The following NPEPPS variants were observed in gnomAD, a reference collection of about 807,000 sequenced individuals.
NPEPPS encodes aminopeptidase puromycin sensitive, also known as puromycin-sensitive aminopeptidase.
Under a neutral mutation model 115.5 loss-of-function variants are expected in NPEPPS, and 14 were observed. The ratio of observed to expected loss-of-function variants is 0.12; its 90% CI spans 0.08 to 0.19. The LOEUF (loss-of-function observed/expected upper bound fraction) is 0.19. NPEPPS is among the 10% of genes least tolerant of loss of function. The pLI, the probability that NPEPPS is intolerant of heterozygous loss-of-function variation, is 1.00. For synonymous variants in NPEPPS, 285 were observed against 390.6 expected, an observed-to-expected ratio of 0.73 and a Z score of 3.19; for missense variants, 523 against 1,110.8, an observed-to-expected ratio of 0.47 and a Z score of 7.52.
At chr17:47,619,414 C>T (rs1030766412) in intron 21 of NPEPPS, 15 of 517,476 alleles carry the variant, frequency 2.9e-5, no homozygotes, top group African/African-American at 5.8e-5. Flanking sequence ...ATTAGCTGAG[C>T]GTGGTGGTGT....
In NPEPPS at chr17:47,586,573, C is replaced by T. The variant is rs556453942; in HGVS notation, c.980+175C>T. On this transcript the variant is annotated intron_variant, in intron 8 of 22. Transcript: ENST00000322157. ...CAGATGGACACCCCTCCCTTTGGTG[C>T]TACTGTCTGAGGGTGTAAGATTTTA... is the stretch of plus-strand genomic sequence containing the variant. The T allele has an allele frequency of 6.4e-6, 4 of 625,566 alleles. No individual in the cohort carries two copies. The African/African-American group carries it at 7.4e-5, about 12-fold the overall frequency. 38.8% of individuals were successfully genotyped at this position (625,566 alleles called of 1,614,324 possible). A position where few individuals can be genotyped will look rare whatever the true frequency, so the allele number is the denominator to read the frequency against.
intron 17 of NPEPPS, among the ~76,000 whole-genome samples, chr17:47,609,671 C>A (rs80132680): frequency 3.3e-3 from 497 of 152,292 alleles, no homozygotes; most frequent in African/African-American, 0.012. Context: ...ACATTTCCAT[C>A]ACCCAGAAAG....
At chr17:47,537,932 T>C (rs1339389810) in intron 1 of NPEPPS, among the ~76,000 whole-genome samples, 1 of 151,366 alleles carries the variant, frequency 6.6e-6, no homozygotes, top group Non-Finnish European at 1.5e-5. Flanking sequence ...TTCGCTCTGT[T>C]GCCCAGGCTG....
At chr17:47,595,789 C>A (rs1912825991) in intron 12 of NPEPPS, among the ~76,000 whole-genome samples, 2 of 152,042 alleles carry the variant, frequency 1.3e-5, no homozygotes, top group South Asian at 4.1e-4. Context: ...CAAGACCAAC[C>A]TGGTCAACAT....
intron 2 of NPEPPS, among the ~76,000 whole-genome samples, chr17:47,556,949 CTT>C (rs1910084638): frequency 6.6e-6 from 1 of 152,198 alleles, no homozygotes; most frequent in Non-Finnish European, 1.5e-5. Flanking sequence ...GCCTGTTTTA[CTT>C]TTTTCTTGAT....
chr17:47,604,661 T>C (rs1432187583), intron 16 of NPEPPS, among the ~76,000 whole-genome samples: 1 of 152,258 alleles, frequency 6.6e-6, no homozygotes, highest in Non-Finnish European at 1.5e-5. Context: ...TCATTGGTTT[T>C]GGATTCTGCC....
At chr17:47,556,993 T>C (rs2143758503) in intron 2 of NPEPPS, among the ~76,000 whole-genome samples, 1 of 152,328 alleles carries the variant, frequency 6.6e-6, no homozygotes, top group South Asian at 2.1e-4. Flanking sequence ...TTGCTTTTTT[T>C]CTCAAAGAAC....
intron 1 of NPEPPS, among the ~76,000 whole-genome samples, chr17:47,532,379 G>A (rs1277335413): frequency 6.6e-6 from 1 of 152,086 alleles, no homozygotes; most frequent in Non-Finnish European, 1.5e-5. Flanking sequence ...AAGCTGGCTG[G>A]GCGCGGTGGC....
At chr17:47,570,796 G>A (rs895448464) in intron 3 of NPEPPS, among the ~76,000 whole-genome samples, 6 of 152,210 alleles carry the variant, frequency 3.9e-5, no homozygotes, top group African/African-American at 4.8e-5. Context: ...TCTCATGTGA[G>A]CTGATTTTAA....
In NPEPPS at chr17:47,538,202, C is replaced by CTTTTTTTTTTTTTTTTT. The variant is rs543559258; in HGVS notation, c.255+6654_255+6670dup. ...GCCACCGCGCCTAGCCATATCTGTT[C>CTTTTTTTTTTTTTTTTT]TTTTTTTTTTTTTTTTTTTTTTTGA... On this transcript the variant is annotated intron_variant, in intron 1 of 22. Coordinates refer to ENST00000322157, the MANE Select transcript of NPEPPS (RefSeq NM_006310.4). 7.2e-4 allele frequency among the ~76,000 whole-genome samples: 42 copies of CTTTTTTTTTTTTTTTTT among 58,500 alleles called. 5 individuals carry two copies. The highest frequency in any genetic ancestry group is 8.5e-4 in the African/African-American group (15 of 17,662). The allele number at this position is 58,500 out of a possible 152,430, so 38.4% of individuals were successfully genotyped here. A position where few individuals can be genotyped will look rare whatever the true frequency, so the allele number is the denominator to read the frequency against.
chr17:47,606,517 G>A (rs1444842354), intron 17 of NPEPPS, among the ~76,000 whole-genome samples: 1 of 151,732 alleles, frequency 6.6e-6, no homozygotes, highest in African/African-American at 2.4e-5. Flanking sequence ...GAACGCAGTG[G>A]CGCCATCTCG....
chr17:47,619,681 G>T (rs1914421331), intron 21 of NPEPPS, 56 bp from the exon 22 acceptor site: 1 of 1,379,616 alleles, frequency 7.2e-7, no homozygotes, highest in African/African-American at 1.4e-5. Flanking sequence ...AGGGTAAATG[G>T]AAGTTTGTTC....
In NPEPPS at chr17:47,599,769, T is replaced by C. The variant is rs769364508; in HGVS notation, c.1600+30T>C. 2.6e-6 allele frequency: 4 copies of C among 1,516,546 alleles called. No individual in the cohort carries two copies. The Admixed American group carries it at 7.9e-5, about 30-fold the overall frequency. The allele number at this position is 1,516,546 out of a possible 1,614,324, so 93.9% of individuals were successfully genotyped here. A position where few individuals can be genotyped will look rare whatever the true frequency, so the allele number is the denominator to read the frequency against. Reference sequence around the variant, plus strand: ...GTAAATGGCTGTAAGTGAGATATGATTGATGAATTTGGATATTAACTAATA... The same window carrying C: ...GTAAATGGCTGTAAGTGAGATATGACTGATGAATTTGGATATTAACTAATA... On this transcript the variant is annotated intron_variant, in intron 14 of 22. Coordinates refer to ENST00000322157, the MANE Select transcript of NPEPPS (RefSeq NM_006310.4).
intron 19 of NPEPPS, among the ~76,000 whole-genome samples, chr17:47,615,069 CTTTCTTTTTTTTT>C (rs1233338299): frequency 1.7e-5 from 2 of 119,682 alleles, no homozygotes; most frequent in East Asian, 2.6e-4. Flanking sequence ...GGTTTACTTT[CTTTCTTTTTTTTT>C]TTTTTTTTTT....
chr17:47,530,964 C>G (rs1907696912), upstream of NPEPPS: 3 of 152,528 alleles, frequency 2.0e-5, no homozygotes, highest in Admixed American at 1.3e-4. Context: ...GCCTCCAGCC[C>G]TGCGCTCGCG....
intron 1 of NPEPPS, among the ~76,000 whole-genome samples, chr17:47,542,613 A>T (rs947442941): frequency 1.3e-5 from 2 of 151,750 alleles, no homozygotes; most frequent in African/African-American, 2.4e-5. Flanking sequence ...CACCATAGTG[A>T]TAATTCATTG....
intron 17 of NPEPPS, among the ~76,000 whole-genome samples, chr17:47,606,130 G>T (rs534356801): frequency 6.6e-6 from 1 of 152,170 alleles, no homozygotes; most frequent in Middle Eastern, 3.4e-3. Context: ...GCCTGCCTCG[G>T]CCTCCCAAGT....
chr17:47,575,257 T>A (rs1911444288), intron 3 of NPEPPS, among the ~76,000 whole-genome samples: 1 of 152,190 alleles, frequency 6.6e-6, no homozygotes, highest in Non-Finnish European at 1.5e-5. Flanking sequence ...ATGTATATAC[T>A]TTTTAAGAAC....
chr17:47,556,212 AGGACCCTGCGGCCTTTTTTTTT>A (rs1426375527), intron 2 of NPEPPS, among the ~76,000 whole-genome samples: 1 of 150,850 alleles, frequency 6.6e-6, no homozygotes, highest in African/African-American at 2.4e-5. Context: ...TCCTAGGCAG[AGGACCCTGCGGCCTTTTTTTTT>A]TGCAGTGTTT....
Sources: gnomAD v4.1 joint callset for allele counts (sites outside exome capture counted in the v4.1 genomes callset) on GRCh38, gnomAD v4.1.1 for gene constraint, MANE v1.5 for transcripts, NCBI Gene and HGNC (gene_info 2026-07-23, HGNC 2026-07-21) for gene names.